Variants in LY6H observed in about 807,000 individuals in gnomAD.
LY6H encodes the protein lymphocyte antigen 6 family member H, also known as lymphocyte antigen 6H.
A neutral mutation model predicts 14.6 loss-of-function variants in LY6H; 8 were observed. The observed-to-expected ratio is 0.55, with a 90% CI of 0.32 to 0.99. LY6H has a LOEUF of 0.99. Ranked by LOEUF, LY6H falls within the 50% of genes least tolerant of loss-of-function variation. The pLI is 0.04. For synonymous variants in LY6H, 115 were observed against 97.2 expected (o/e 1.18, Z -1.08); for missense variants, 196 against 219.6 (o/e 0.89, Z 0.68).
At position 143,158,932 on chromosome 8, in the gene LY6H, G is replaced by C. The variant is rs778085365; in HGVS notation, c.131-10C>G. 2 of 1,613,078 alleles carry C rather than the reference G, an allele frequency of 1.2e-6. No homozygotes were observed. Among genetic ancestry groups the C allele is most frequent in the Non-Finnish European group, 8.5e-7 (1 of 1,179,796 alleles). ...CACCACAGGCCATGAGCTGGGCAGGGCATGGGGAGGAGGGTGACCAGAGGC... is the reference window on the plus strand; with the variant it reads ...CACCACAGGCCATGAGCTGGGCAGGCCATGGGGAGGAGGGTGACCAGAGGC... On this transcript the variant is annotated splice_polypyrimidine_tract_variant and intron_variant, in intron 2 of 3. Transcript: ENST00000342752.
In LY6H at chr8:143,158,207, C is replaced by T. The variant is rs370405981; in HGVS notation, c.*43G>A. On this transcript the variant is annotated 3_prime_UTR_variant, in exon 4 of 4. Coordinates refer to ENST00000342752, the MANE Select transcript of LY6H (RefSeq NM_001135655.2). The stretch of plus-strand genomic sequence containing the variant: ...AGGCTGGGGAGAGGGCAGCCACAGG[C>T]TCAGGGGAGCAAGCTCAGAAGCCCC... 2,930 of 1,460,104 alleles carry T rather than the reference C, an allele frequency of 2.0e-3. 3 individuals are homozygous for T. Among genetic ancestry groups the T allele is most frequent in the Non-Finnish European group, 2.6e-3 (2,743 of 1,061,774 alleles). The allele number at this position is 1,460,104 out of a possible 1,614,324, so 90.4% of individuals were successfully genotyped here.
intron 2 of LY6H, chr8:143,159,235 G>T: frequency 1.8e-6 from 1 of 544,984 alleles, no homozygotes; most frequent in East Asian, 3.0e-5. Flanking sequence ...CTCCCGCCCC[G>T]CCTCACATAT....
upstream of LY6H, chr8:143,160,378 G>T: frequency 4.1e-6 from 1 of 243,888 alleles, no homozygotes; most frequent in South Asian, 1.5e-4. Flanking sequence ...CGGGGGGCGG[G>T]GGCGGCTGGG....
At chr8:143,159,829 C>T (rs1194112553) in intron 1 of LY6H, 120 bp from the exon 2 acceptor site, 1 of 1,192,348 alleles carries the variant, frequency 8.4e-7, no homozygotes, top group Admixed American at 4.2e-5. Context: ...AGAGCCCCAC[C>T]CCCAGCCCCT....
In LY6H at chr8:143,159,562, C is replaced by A. The variant is rs1815542570; in HGVS notation, c.130+20G>T. The A allele has an allele frequency of 2.7e-6, 4 of 1,493,644 alleles. No individual in the cohort carries two copies. Among genetic ancestry groups the A allele is most frequent in the South Asian group, 1.2e-5 (1 of 80,288 alleles). The allele number at this position is 1,493,644 out of a possible 1,614,324, so 92.5% of individuals were successfully genotyped here. ...GGGCTCTCCCAGGCACCTGACCCAGCCCGCGGGCCCCCTACTCACCGGGCG... is the reference window on the plus strand; with the variant it reads ...GGGCTCTCCCAGGCACCTGACCCAGACCGCGGGCCCCCTACTCACCGGGCG... On this transcript the variant is annotated intron_variant, in intron 2 of 3. Coordinates refer to ENST00000342752, the MANE Select transcript of LY6H (RefSeq NM_001135655.2).
Position 143,158,788 on chromosome 8 carries a change from T to G in LY6H, c.250+15A>C, listed in dbSNP as rs1386284299. On this transcript the variant is annotated intron_variant, in intron 3 of 3. Transcript: ENST00000342752. The stretch of plus-strand genomic sequence containing the variant: ...GCTTTTAGCACATTCCCCACCACCC[T>G]AAGTCCCAACTTACTGCTGCTGGGA... The G allele has an allele frequency of 1.9e-6, 3 of 1,571,966 alleles. No individual in the cohort carries two copies. The highest frequency in any genetic ancestry group is 1.7e-5 in the Admixed American group (1 of 58,382).
intron 2 of LY6H, 70 bp downstream of exon 2, chr8:143,159,512 A>C: frequency 7.0e-7 from 1 of 1,422,584 alleles, no homozygotes. Flanking sequence ...TGGCAGCCCC[A>C]CACCCGGCTC....
chr8:143,158,685 G>A, intron 3 of LY6H, 118 bp downstream of exon 3: 1 of 1,361,516 alleles, frequency 7.3e-7, no homozygotes, highest in Non-Finnish European at 1.0e-6. Flanking sequence ...ACAGTATCCT[G>A]CCTGCCGCCC....
Position 143,158,329 on chromosome 8 carries a change from C to G in LY6H, c.407G>C (p.Gly136Ala). ...CEKDLCNGAA[G>A]AGHSPWALAG... is the part of the protein sequence containing the mutation. ...CAGGGCCCAGGGGCTGTGCCCTGCC[C>G]CTGCCGCCCCATTGCACAAATCCTT... Residue 136 changes from glycine to alanine, a missense_variant, in exon 4 of 4, where the codon GGG (glycine) becomes GCG (alanine). By Grantham distance (60) the Gly-to-Ala change is moderately conservative (BLOSUM62 0). Coordinates refer to ENST00000342752, the MANE Select transcript of LY6H (RefSeq NM_001135655.2). 1.9e-6 allele frequency: 3 copies of G among 1,613,866 alleles called. No individual in the cohort carries two copies. In the South Asian group the frequency reaches 3.3e-5, roughly 18 times the overall value.
At position 143,158,200 on chromosome 8, in the gene LY6H, C is replaced by G; in HGVS notation, c.*50G>C. 1.4e-6 allele frequency: 2 copies of G among 1,395,872 alleles called. No homozygotes were observed. The highest frequency in any genetic ancestry group is 2.0e-6 in the Non-Finnish European group (2 of 1,014,222). The allele number at this position is 1,395,872 out of a possible 1,614,324, so 86.5% of individuals were successfully genotyped here. On this transcript the variant is annotated 3_prime_UTR_variant, in exon 4 of 4. Coordinates refer to ENST00000342752, the MANE Select transcript of LY6H (RefSeq NM_001135655.2). The stretch of plus-strand genomic sequence containing the variant: ...CCACGCCAGGCTGGGGAGAGGGCAG[C>G]CACAGGCTCAGGGGAGCAAGCTCAG...
intron 3 of LY6H, 52 bp from the exon 4 acceptor site, chr8:143,158,537 G>T: frequency 6.7e-7 from 1 of 1,498,938 alleles, no homozygotes; most frequent in Non-Finnish European, 9.3e-7. Flanking sequence ...GGCCCTCTCT[G>T]CCTCATCCCG....
intron 1 of LY6H, 66 bp downstream of exon 1, chr8:143,160,132 C>T (rs903722299): frequency 6.5e-6 from 8 of 1,233,232 alleles, no homozygotes; most frequent in African/African-American, 6.2e-5. Flanking sequence ...GCCTTCCGCG[C>T]GCGCCTCGGC....
chr8:143,159,147 C>T, intron 2 of LY6H: 1 of 628,738 alleles, frequency 1.6e-6, no homozygotes, highest in Non-Finnish European at 2.8e-6. Context: ...CCCTGGCCCC[C>T]ATGCACGTGC....
rs1188218043 is a variant in LY6H, at chr8:143,158,254, G to A, written c.482C>T (p.Pro161Leu). The A allele has an allele frequency of 6.2e-7, 1 of 1,608,540 alleles. No individual in the cohort carries two copies. The highest frequency in any genetic ancestry group is 8.5e-7 in the Non-Finnish European group (1 of 1,176,838). The change falls in exon 4 of 4, where the codon CCC (proline) becomes CTC (leucine). Residue 161 changes from proline to leucine, a missense_variant. Coordinates refer to ENST00000342752, the MANE Select transcript of LY6H (RefSeq NM_001135655.2). ...SLGPALLWAG[P>L] ...CCCCGTGGGAAGGAGGAGACATCAG[G>A]GCCCAGCCCAGAGGAGGGCAGGCCC...
intron 1 of LY6H, 186 bp from the exon 2 acceptor site, chr8:143,159,895 G>T: frequency 8.7e-7 from 1 of 1,152,460 alleles, no homozygotes; most frequent in Non-Finnish European, 1.1e-6. Context: ...GGCCTCTGGG[G>T]CGAGGTGACA....
intron 2 of LY6H, 129 bp downstream of exon 2, chr8:143,159,453 C>T (rs1408255698): frequency 3.5e-6 from 4 of 1,144,284 alleles, no homozygotes; most frequent in East Asian, 3.1e-5. Flanking sequence ...GCAGGGGTCC[C>T]GGAGGGGGCG....
intron 3 of LY6H, 139 bp downstream of exon 3, chr8:143,158,664 G>A: frequency 7.9e-7 from 1 of 1,267,578 alleles, no homozygotes; most frequent in South Asian, 1.4e-5. Flanking sequence ...GAGCCAGGGG[G>A]GGACAGCAGG....
chr8:143,159,856 C>T (rs1044639472), intron 1 of LY6H, 147 bp from the exon 2 acceptor site: 1 of 1,139,488 alleles, frequency 8.8e-7, no homozygotes, highest in Non-Finnish European at 1.1e-6. Flanking sequence ...GAGCGTCCGC[C>T]GTCACAGCAT....
rs569638836 is a variant in LY6H, at chr8:143,158,295, C to A, written c.441G>T (p.Gly147=). 4.3e-6 allele frequency: 7 copies of A among 1,613,184 alleles called. No individual in the cohort carries two copies. The highest frequency in any genetic ancestry group is 2.2e-5 in the East Asian group (1 of 44,862). The part of the protein sequence containing the change: ...AGHSPWALAG[G]LLLSLGPALL... ...GGGCAGGCCCCAGGCTGAGCAGGAGCCCCCCGGCCAGGGCCCAGGGGCTGT... is the reference window on the plus strand; with the variant it reads ...GGGCAGGCCCCAGGCTGAGCAGGAGACCCCCGGCCAGGGCCCAGGGGCTGT... Residue 147 remains glycine (G), a synonymous_variant, in exon 4 of 4, where the codon GGG becomes GGT. Coordinates refer to ENST00000342752, the MANE Select transcript of LY6H (RefSeq NM_001135655.2).
Sources: gnomAD v4.1 joint callset for allele counts on GRCh38, gnomAD v4.1.1 for gene constraint, MANE v1.5 for transcripts, NCBI Gene and HGNC (gene_info 2026-07-23, HGNC 2026-07-21) for gene names.